The following RPS24 variants were observed in gnomAD, a reference collection of about 807,000 sequenced individuals.
RPS24 encodes the protein ribosomal protein S24.
For synonymous variants in RPS24, 72 were observed against 55.6 expected (o/e 1.30, Z -1.31); for missense variants, 100 against 162.5 (o/e 0.62, Z 2.09).
chr10:78,052,085 G>A (rs534916227), intron 4 of RPS24, among the ~76,000 whole-genome samples: 4 of 152,040 alleles, frequency 2.6e-5, no homozygotes, highest in African/African-American at 7.2e-5. Flanking sequence ...GAGTACAGTG[G>A]CTTGATCTCG....
At chr10:78,035,466 A>G (rs370741781) in intron 2 of RPS24, 45 bp from the exon 3 acceptor site, 16 of 1,612,814 alleles carry the variant, frequency 9.9e-6, no homozygotes, top group Non-Finnish European at 1.4e-5. Flanking sequence ...TACTCTAAAG[A>G]TGTATTTTAT....
At chr10:78,049,381 A>G (rs546117794) in intron 4 of RPS24, among the ~76,000 whole-genome samples, 62 of 152,146 alleles carry the variant, frequency 4.1e-4, no homozygotes, top group African/African-American at 1.5e-3. Flanking sequence ...TGGCTTTGTC[A>G]TGGGTTTAGA....
At chr10:78,040,176 CTT>C (rs751517665) in intron 4 of RPS24, 26 bp from the exon 5 acceptor site, 3 of 1,610,296 alleles carry the variant, frequency 1.9e-6, no homozygotes, top group East Asian at 2.2e-5. Flanking sequence ...CCTCCTTTCT[CTT>C]TTTCCCTTCC....
At chr10:78,043,560 G>T (rs899057529), downstream of RPS24, among the ~76,000 whole-genome samples, 2 of 152,064 alleles carry the variant, frequency 1.3e-5, no homozygotes. Flanking sequence ...ACAAGTGTTA[G>T]ATGGCTAGCC....
rs943645534 is a variant in RPS24, at chr10:78,053,027, C to G, written c.391-1504C>G. 2.6e-5 allele frequency among the ~76,000 whole-genome samples: 4 copies of G among 152,068 alleles called. No homozygotes were observed. In the East Asian group the frequency reaches 7.8e-4, roughly 29 times the overall value. On this transcript the variant is annotated intron_variant, in intron 4 of 4. Coordinates refer to the RPS24 transcript ENST00000440692. The stretch of plus-strand genomic sequence containing the variant: ...ATTAGCCAGATGTGGTGGAGGGCGC[C>G]TTGTAATCCCAGCTGCTTGGGAGCC...
exon 5 of RPS24, chr10:78,055,163 C>A (rs1307524226): frequency 3.2e-6 from 4 of 1,269,820 alleles, no homozygotes; most frequent in African/African-American, 1.5e-5. Context: ...ATCTCTCTCA[C>A]CCAAATGCCA....
chr10:78,040,733 T>G (rs892463188), downstream of RPS24: 3 of 1,490,812 alleles, frequency 2.0e-6, no homozygotes, highest in Non-Finnish European at 2.8e-6. Flanking sequence ...TGCAGTTTCC[T>G]GGGACTGCTA....
At chr10:78,052,920 A>G (rs1305331287) in intron 4 of RPS24, among the ~76,000 whole-genome samples, 8 of 152,046 alleles carry the variant, frequency 5.3e-5, no homozygotes, top group Non-Finnish European at 1.0e-4. Flanking sequence ...GGGAGGCCGA[A>G]GTGGGTGGAT....
At chr10:78,055,111 A>G in exon 5 of RPS24, 2 of 1,433,288 alleles carry the variant, frequency 1.4e-6, no homozygotes, top group South Asian at 1.6e-5. Context: ...AATCGGAGTC[A>G]CATGAGCTGG....
chr10:78,053,104 G>A (rs1236537071), intron 4 of RPS24, among the ~76,000 whole-genome samples: 1 of 151,044 alleles, frequency 6.6e-6, no homozygotes, highest in Non-Finnish European at 1.5e-5. Flanking sequence ...AGTGAGCTGA[G>A]ATTGTGCCAT....
intron 4 of RPS24, among the ~76,000 whole-genome samples, chr10:78,053,008 C>G (rs1848114645): frequency 6.6e-6 from 1 of 151,912 alleles, no homozygotes; most frequent in Non-Finnish European, 1.5e-5. Flanking sequence ...GAAGATTAGC[C>G]AGATGTGGTG....
rs181945201 is a variant in RPS24 at position 78,033,893 on chromosome 10, A to T, written c.-9A>T. ...TTCCTCCTTGGCTGTCTGAAGATAG[A>T]TCGCCATCATGGTGAGTCTCCCTGG... On this transcript the variant is annotated 5_prime_UTR_variant, in exon 1 of 6. Transcript: ENST00000372360. 6.8e-6 allele frequency: 11 copies of T among 1,614,072 alleles called. No homozygotes were observed. The highest frequency in any genetic ancestry group is 6.6e-5 in the South Asian group (6 of 91,086).
intron 4 of RPS24, among the ~76,000 whole-genome samples, chr10:78,047,746 AG>A (rs1357189300): frequency 6.6e-6 from 1 of 152,126 alleles, no homozygotes; most frequent in African/African-American, 2.4e-5. Context: ...CCCCTTTTGT[AG>A]CTGCCCAGCC....
At position 78,047,892 on chromosome 10, in the gene RPS24, C is replaced by T. The variant is rs572484564; in HGVS notation, c.391-6639C>T. Among the ~76,000 whole-genome samples, 6 of 152,322 alleles carry T rather than the reference C, an allele frequency of 3.9e-5. No homozygotes were observed. In the South Asian group the frequency reaches 1.2e-3, roughly 32 times the overall value. On this transcript the variant is annotated intron_variant, in intron 4 of 4. Coordinates refer to the RPS24 transcript ENST00000440692. ...TTTGACAAGCATGGGTCCGGGGCCA[C>T]AGTGCTGGGTCCAAGACCTGTTTTC...
chr10:78,041,881 T>C (rs185877397), downstream of RPS24, among the ~76,000 whole-genome samples: 382 of 152,312 alleles, frequency 2.5e-3, 3 homozygotes, highest in Middle Eastern at 0.01. Context: ...TGATTGAAGG[T>C]TGGCATCAAA....
intron 3 of RPS24, 79 bp downstream of exon 3, chr10:78,035,799 G>C (rs1847853376): frequency 8.4e-7 from 1 of 1,185,684 alleles, no homozygotes; most frequent in Admixed American, 1.7e-5. Flanking sequence ...GTGGTAAAAA[G>C]GGCAAGACCA....
downstream of RPS24, among the ~76,000 whole-genome samples, chr10:78,042,157 C>G (rs1156253521): frequency 6.6e-6 from 1 of 152,248 alleles, no homozygotes; most frequent in African/African-American, 2.4e-5. Context: ...TAGTAGCCCA[C>G]CTTCCTGTTT....
At chr10:78,035,748 C>A in intron 3 of RPS24, 28 bp downstream of exon 3, 4 of 1,557,756 alleles carry the variant, frequency 2.6e-6, no homozygotes, top group Non-Finnish European at 3.5e-6. Context: ...TGTTGATCAG[C>A]TCCTGAAGAC....
At chr10:78,046,249 A>G (rs1288785626) in intron 4 of RPS24, among the ~76,000 whole-genome samples, 1 of 152,100 alleles carries the variant, frequency 6.6e-6, no homozygotes, top group Non-Finnish European at 1.5e-5. Context: ...GATGAACAGT[A>G]ATACTATTGC....
Sources: allele counts gnomAD v4.1 joint callset (sites outside exome capture counted in the v4.1 genomes callset), GRCh38; gene constraint gnomAD v4.1.1; transcripts MANE v1.5; gene names NCBI Gene and HGNC (gene_info 2026-07-23, HGNC 2026-07-21).